ACSL6: variants seen among roughly 807,000 people sequenced by gnomAD.
The protein encoded by ACSL6 is long-chain-fatty-acid--CoA ligase 6.
A neutral mutation model predicts 98.2 loss-of-function variants in ACSL6; 47 were observed. The observed-to-expected ratio is 0.48, with a 90% CI of 0.38 to 0.61. The LOEUF is 0.61. Among genes scored for constraint, ACSL6 ranks in the 20% least tolerant of loss-of-function variants. The pLI is 0.00. For missense variants in ACSL6, 761 were observed against 913.4 expected, an observed-to-expected ratio of 0.83 and a Z score of 2.15; for synonymous variants, 362 against 336.9, an observed-to-expected ratio of 1.07 and a Z score of -0.82.
At chr5:131,973,531 T>C (rs1324672121) in intron 11 of ACSL6, 131 bp from the exon 12 acceptor site, 1 of 928,900 alleles carries the variant, frequency 1.1e-6, no homozygotes, top group Non-Finnish European at 1.6e-6. Context: ...GCTGCTGCCA[T>C]GAGACACTGA....
At chr5:132,005,102 A>G (rs1755327820) in intron 1 of ACSL6, among the ~76,000 whole-genome samples, 1 of 152,182 alleles carries the variant, frequency 6.6e-6, no homozygotes, top group Admixed American at 6.5e-5. Flanking sequence ...CAGTGAGCCA[A>G]GATCACGCCA....
chr5:132,005,158 AAAG>A lies in ACSL6; in HGVS notation c.49+6344_49+6346del, dbSNP rs540096808. 1.8e-4 allele frequency among the ~76,000 whole-genome samples: 28 copies of A among 152,274 alleles called. No individual in the cohort carries two copies. In the South Asian group the frequency reaches 5.8e-3, roughly 32 times the overall value. On this transcript the variant is annotated intron_variant, in intron 1 of 20. Transcript: ENST00000651883. ...CAACAACAAAGCTCTGTCTCAAAAA[AAAG>A]AAAAAAGAAAAAAAAATGCGTGAGT...
intron 9 of ACSL6, chr5:131,982,899 G>C (rs1019794693): frequency 6.6e-6 from 1 of 152,204 alleles, no homozygotes; most frequent in Non-Finnish European, 1.5e-5. Context: ...CAAGCTGGGA[G>C]CTCACGGGTG....
In ACSL6 at chr5:132,011,412, G is replaced by A. The variant is rs1049271652; in HGVS notation, c.49+93C>T. 2.2e-6 allele frequency: 3 copies of A among 1,379,676 alleles called. No individual in the cohort carries two copies. In the East Asian group the frequency reaches 7.2e-5, roughly 33 times the overall value. 85.5% of individuals were successfully genotyped at this position (1,379,676 alleles called of 1,614,324 possible). On this transcript the variant is annotated intron_variant, in intron 1 of 20. Transcript: ENST00000651883. This position sits in a 1 kb window ranked among gnomAD's most constrained non-coding sequence, Gnocchi z 5.4. ...CTCAGCAGCAGGGGATGGGGGCTCG[G>A]CGGCCGCGGAGATGTAACACCTCCA...
intron 15 of ACSL6, 84 bp from the exon 16 acceptor site, chr5:131,968,112 G>A: frequency 8.4e-7 from 1 of 1,191,096 alleles, no homozygotes; most frequent in Non-Finnish European, 1.2e-6. Flanking sequence ...TAAAATCTCT[G>A]AGTGGCCAAA....
At chr5:131,993,615 G>A (rs1754639115) in intron 2 of ACSL6, 1 of 207,550 alleles carries the variant, frequency 4.8e-6, no homozygotes, top group Non-Finnish European at 9.9e-6. Context: ...GGCACCATGT[G>A]TGAGTCCATG....
In ACSL6 at chr5:131,974,982, G is replaced by A. The variant is rs779231367; in HGVS notation, c.991-12C>T. On this transcript the variant is annotated splice_polypyrimidine_tract_variant and intron_variant, in intron 10 of 20. Coordinates refer to ENST00000651883, the MANE Select transcript of ACSL6 (RefSeq NM_001009185.3). Reference sequence around the variant, plus strand: ...GGAAAGATCACTTTCTGCAGGCGACGGGCATGGGAGACAGAAAGGAAAGAA... The same window carrying A: ...GGAAAGATCACTTTCTGCAGGCGACAGGCATGGGAGACAGAAAGGAAAGAA... 75 of 1,612,620 alleles carry A rather than the reference G, an allele frequency of 4.7e-5. 1 individual carries two copies. The highest frequency in any genetic ancestry group is 8.4e-5 in the Admixed American group (5 of 59,816).
In ACSL6 at chr5:131,976,540, T is replaced by C. The variant is rs892305312; in HGVS notation, c.990+108A>G. 9.0e-6 allele frequency: 9 copies of C among 1,001,374 alleles called. No homozygotes were observed. The Admixed American group carries it at 1.7e-4, about 19-fold the overall frequency. 62.0% of individuals were successfully genotyped at this position (1,001,374 alleles called of 1,614,324 possible). ...CCTGTGAATGGCAGCCCAGGTTATA[T>C]CAAGAAAAAAAAAAAAAGAAAAAGA... On this transcript the variant is annotated intron_variant, in intron 10 of 20. Coordinates refer to ENST00000651883, the MANE Select transcript of ACSL6 (RefSeq NM_001009185.3).
intron 8 of ACSL6, among the ~76,000 whole-genome samples, chr5:131,985,727 C>T (rs1393983690): frequency 1.3e-5 from 2 of 152,228 alleles, no homozygotes; most frequent in South Asian, 4.1e-4. Context: ...CACTGCCTCC[C>T]CTACTTGAGC....
intron 2 of ACSL6, among the ~76,000 whole-genome samples, chr5:131,992,954 C>G (rs557950915): frequency 7.5e-4 from 115 of 152,318 alleles, no homozygotes; most frequent in African/African-American, 2.5e-3. Flanking sequence ...CCCTGAGGCT[C>G]AGAGAGTTAA....
At position 131,954,287 on chromosome 5, in the gene ACSL6, G is replaced by T. The variant is rs1357744363; in HGVS notation, c.2116C>A (p.Leu706Met). ...ATTTGTTTTTTGAAGTACTCTCTCA[G>T]CTCAGGTCTCTTAGCTTTTAGTGTT... ...TPTLKAKRPE[L>M]REYFKKQIEE... The change falls in exon 21 of 21, where the codon CTG becomes ATG. Residue 706 changes from leucine (L) to methionine (M), a missense_variant. By Grantham distance (15) the Leu-to-Met change is conservative. Coordinates refer to ENST00000651883, the MANE Select transcript of ACSL6 (RefSeq NM_001009185.3). The T allele has an allele frequency of 2.7e-5, 43 of 1,613,844 alleles. No individual in the cohort carries two copies. The highest frequency in any genetic ancestry group is 3.3e-5 in the Non-Finnish European group (39 of 1,179,970).
Position 131,950,783 on chromosome 5 carries a change from C to G in ACSL6, c.*3451G>C. On this transcript the variant is annotated 3_prime_UTR_variant, in exon 21 of 21. Coordinates refer to ENST00000651883, the MANE Select transcript of ACSL6 (RefSeq NM_001009185.3). ...GTTATTGGTTCTTTGATAGGTAATA[C>G]AATCAAATTAAGTGCTGATTTCAAG... 5.2e-6 allele frequency: 1 copy of G among 193,018 alleles called. No homozygotes were observed. 12.0% of individuals were successfully genotyped at this position (193,018 alleles called of 1,614,324 possible).
intron 10 of ACSL6, 78 bp from the exon 11 acceptor site, chr5:131,975,048 A>G (rs1753543166): frequency 6.5e-7 from 1 of 1,542,756 alleles, no homozygotes; most frequent in Admixed American, 1.9e-5. Context: ...AAAACAATAA[A>G]GAGAAAATGG....
At chr5:131,967,731 C>A (rs888047518) in intron 16 of ACSL6, among the ~76,000 whole-genome samples, 1 of 151,608 alleles carries the variant, frequency 6.6e-6, no homozygotes, top group African/African-American at 2.4e-5. Flanking sequence ...AATTCCAAAT[C>A]TTTATTTAAA....
intron 1 of ACSL6, among the ~76,000 whole-genome samples, chr5:131,995,654 CAATA>C (rs749624148): frequency 9.9e-5 from 15 of 152,174 alleles, no homozygotes; most frequent in Non-Finnish European, 2.1e-4. Flanking sequence ...GCTGAAATCC[CAATA>C]AATGGCATTT....
chr5:131,962,506 G>A (rs1312704871), intron 18 of ACSL6, 29 bp downstream of exon 18: 5 of 1,593,496 alleles, frequency 3.1e-6, no homozygotes, highest in East Asian at 2.2e-5. Flanking sequence ...CCCAGGATAT[G>A]TGGGAGGGCT....
At chr5:131,990,020 G>A (rs1181005099) in intron 4 of ACSL6, 80 bp downstream of exon 4, 15 of 1,455,780 alleles carry the variant, frequency 1.0e-5, no homozygotes, top group Non-Finnish European at 1.2e-5. Context: ...GACCCAGCAG[G>A]TGCCCACATC....
At chr5:131,970,320 T>A in intron 14 of ACSL6, 120 bp from the exon 15 acceptor site, 1 of 835,666 alleles carries the variant, frequency 1.2e-6, no homozygotes, top group Non-Finnish European at 2.0e-6. Flanking sequence ...ATCAGGGCGA[T>A]GGAGGGAGGG....
intron 8 of ACSL6, among the ~76,000 whole-genome samples, chr5:131,985,768 C>A (rs539716354): frequency 6.6e-6 from 1 of 152,344 alleles, no homozygotes; most frequent in East Asian, 1.9e-4. Flanking sequence ...TGGGATTGGG[C>A]TGCAGTGGCC....
Sources: gnomAD v4.1 joint callset for allele counts (sites outside exome capture counted in the v4.1 genomes callset) on GRCh38, gnomAD v4.1.1 for gene constraint, Gnocchi (gnomAD v3.1) non-coding constraint, MANE v1.5 for transcripts, NCBI Gene and HGNC (gene_info 2026-07-23, HGNC 2026-07-21) for gene names.